Variants in GRM7 observed in about 807,000 individuals in gnomAD.
The protein encoded by GRM7 is glutamate metabotropic receptor 7.
A neutral mutation model predicts 84.5 loss-of-function variants in GRM7; 35 were observed. That is an observed-to-expected ratio of 0.41 (90% CI 0.32 to 0.55). The LOEUF (loss-of-function observed/expected upper bound fraction) is 0.55. Among genes scored for constraint, GRM7 ranks in the 20% least tolerant of loss-of-function variants. The pLI is 0.19. For synonymous variants in GRM7, 487 were observed against 455.1 expected (o/e 1.07, Z -0.89); for missense variants, 1,003 against 1,194.6 (o/e 0.84, Z 2.36).
At chr3:6,934,652 G>T (rs1052580058) in intron 1 of GRM7, among the ~76,000 whole-genome samples, 1 of 152,128 alleles carries the variant, frequency 6.6e-6, no homozygotes, top group African/African-American at 2.4e-5. Context: ...AAGAGCAGGG[G>T]TGGAGATGAC....
chr3:7,190,741 G>T (rs1025948942), intron 2 of GRM7, among the ~76,000 whole-genome samples: 6 of 152,038 alleles, frequency 3.9e-5, no homozygotes, highest in African/African-American at 1.4e-4. Context: ...TCCTTAAGCA[G>T]AGAGCACCCA....
At chr3:7,539,412 C>T (rs1443976989) in intron 7 of GRM7, among the ~76,000 whole-genome samples, 3 of 152,134 alleles carry the variant, frequency 2.0e-5, no homozygotes, top group Non-Finnish European at 2.9e-5. Flanking sequence ...TGTGGTGGCT[C>T]ACGCCTGTAA....
At chr3:7,442,474 A>G (rs531254326) in intron 5 of GRM7, among the ~76,000 whole-genome samples, 21 of 150,850 alleles carry the variant, frequency 1.4e-4, no homozygotes, top group African/African-American at 4.4e-4. Flanking sequence ...GACTGCTCTA[A>G]CTAGAACTTG....
intron 7 of GRM7, among the ~76,000 whole-genome samples, chr3:7,559,630 C>G (rs1693923755): frequency 6.6e-6 from 1 of 152,084 alleles, no homozygotes; most frequent in Admixed American, 6.6e-5. Flanking sequence ...ATCAATCACT[C>G]TACAGTATTA....
chr3:7,446,474 T>C (rs1003060759), intron 5 of GRM7, among the ~76,000 whole-genome samples: 1 of 150,090 alleles, frequency 6.7e-6, no homozygotes, highest in Non-Finnish European at 1.5e-5. Flanking sequence ...GTTTTTTTTT[T>C]TTTTGAGACG....
intron 9 of GRM7, among the ~76,000 whole-genome samples, chr3:7,714,836 A>G (rs1375737591): frequency 1.3e-5 from 2 of 152,208 alleles, no homozygotes; most frequent in Admixed American, 1.3e-4. Flanking sequence ...TTGGTGCAAC[A>G]GTGTTGAACT....
intron 8 of GRM7, among the ~76,000 whole-genome samples, chr3:7,622,976 G>A (rs555343406): frequency 3.3e-5 from 5 of 152,264 alleles, no homozygotes; most frequent in South Asian, 2.1e-4. Context: ...AACTATGGGC[G>A]TCAACTAAGA....
chr3:7,683,318 A>T (rs1700452870), intron 9 of GRM7, among the ~76,000 whole-genome samples: 1 of 152,188 alleles, frequency 6.6e-6, no homozygotes, highest in Non-Finnish European at 1.5e-5. Flanking sequence ...TTTCCTTGCA[A>T]AAGTTTCACT....
At chr3:7,573,269 CT>C (rs1222754616) in intron 7 of GRM7, among the ~76,000 whole-genome samples, 1 of 151,384 alleles carries the variant, frequency 6.6e-6, no homozygotes, top group African/African-American at 2.4e-5. Flanking sequence ...AAAAAAAGTT[CT>C]TTTTTTTAAA....
intron 1 of GRM7, among the ~76,000 whole-genome samples, chr3:6,979,380 GT>G (rs1191719030): frequency 1.1e-4 from 16 of 152,140 alleles, no homozygotes; most frequent in Admixed American, 1.0e-3. Flanking sequence ...TATCTCTGGT[GT>G]TCACCATGAC....
At position 6,862,722 on chromosome 3, in the gene GRM7, T is replaced by TCCCCC; in HGVS notation, c.519+818_519+822dup. On this transcript the variant is annotated intron_variant, in intron 1 of 9. Transcript: ENST00000357716. The surrounding 1 kb of genome is among the most constrained non-coding windows in gnomAD (Gnocchi z 5.2). ...ATCGCTCTCCCTGCCTCCTCCCTCC[T>TCCCCC]CCCCCCCGCCCCCCTCACCCACTAT... 4.1e-6 allele frequency: 1 copy of TCCCCC among 241,406 alleles called. No individual in the cohort carries two copies. Among genetic ancestry groups the TCCCCC allele is most frequent in the South Asian group, 3.0e-5 (1 of 33,334 alleles). The allele number at this position is 241,406 out of a possible 1,614,324, so 15.0% of individuals were successfully genotyped here.
intron 9 of GRM7, among the ~76,000 whole-genome samples, chr3:7,697,056 C>T (rs990074410): frequency 1.3e-5 from 2 of 151,940 alleles, no homozygotes; most frequent in African/African-American, 4.8e-5. Flanking sequence ...GTTAAATGGC[C>T]AGATAAGGGA....
rs191646003 is a variant in GRM7 at position 7,111,168 on chromosome 3, G to A, written c.520-35284G>A. 1.3e-3 allele frequency among the ~76,000 whole-genome samples: 195 copies of A among 152,160 alleles called. 1 individual carries two copies. The highest frequency in any genetic ancestry group is 2.1e-3 in the Non-Finnish European group (141 of 67,994). ...GCAGGGGTTGATCATAGCCCCTCAC[G>A]GAAGGTGCTGGTATGTCCATACTCA... On this transcript the variant is annotated intron_variant, in intron 1 of 9. Coordinates refer to ENST00000357716, the MANE Select transcript of GRM7 (RefSeq NM_000844.4).
chr3:7,386,435 G>A (rs1005091134), intron 4 of GRM7, among the ~76,000 whole-genome samples: 17 of 151,984 alleles, frequency 1.1e-4, no homozygotes, highest in African/African-American at 2.9e-4. Context: ...CATCCTCCCC[G>A]CTTTTGGAAT....
chr3:6,961,788 T>C lies in GRM7; in HGVS notation c.519+99881T>C, dbSNP rs77764965. 8.3e-4 allele frequency among the ~76,000 whole-genome samples: 127 copies of C among 152,278 alleles called. 1 individual carries two copies. The highest frequency in any genetic ancestry group is 1.5e-3 in the Non-Finnish European group (105 of 68,028). ...CTCATGTCCTGTAGACCCTCCCTTCTGTCCCACTGGAGCCCTGTCCTCATG... is the reference window on the plus strand; with the variant it reads ...CTCATGTCCTGTAGACCCTCCCTTCCGTCCCACTGGAGCCCTGTCCTCATG... On this transcript the variant is annotated intron_variant, in intron 1 of 9. Coordinates refer to ENST00000357716, the MANE Select transcript of GRM7 (RefSeq NM_000844.4).
At chr3:7,489,258 T>C (rs1217111951) in intron 7 of GRM7, among the ~76,000 whole-genome samples, 1 of 152,186 alleles carries the variant, frequency 6.6e-6, no homozygotes, top group Non-Finnish European at 1.5e-5. Flanking sequence ...AAAATTTTTT[T>C]ATGAACTAGA....
intron 2 of GRM7, among the ~76,000 whole-genome samples, chr3:7,170,295 T>C (rs573138040): frequency 1.3e-5 from 2 of 152,222 alleles, no homozygotes; most frequent in Admixed American, 1.3e-4. Flanking sequence ...TGGAGGCCAG[T>C]TTTCCAGAAA....
chr3:7,160,990 G>C (rs59183559), intron 2 of GRM7, among the ~76,000 whole-genome samples: 1 of 151,956 alleles, frequency 6.6e-6, no homozygotes, highest in Non-Finnish European at 1.5e-5. Context: ...AACTAAATCA[G>C]TCTTTTAGGG....
chr3:7,227,327 T>C (rs1389374729), intron 2 of GRM7, among the ~76,000 whole-genome samples: 2 of 152,232 alleles, frequency 1.3e-5, no homozygotes, highest in Non-Finnish European at 2.9e-5. Flanking sequence ...GGCATCTGTA[T>C]ACAATATGTT....
Sources: allele counts gnomAD v4.1 joint callset (sites outside exome capture counted in the v4.1 genomes callset), GRCh38; gene constraint gnomAD v4.1.1; non-coding constraint Gnocchi (gnomAD v3.1); transcripts MANE v1.5; gene names NCBI Gene and HGNC (gene_info 2026-07-23, HGNC 2026-07-21).